TMEM132C: variants seen among roughly 807,000 people sequenced by gnomAD.
The protein encoded by TMEM132C is protein phosphatase 1, regulatory subunit 152.
In TMEM132C, 29 loss-of-function variants were observed where a neutral mutation model predicts 61.4. The observed-to-expected ratio is 0.47, with a 90% confidence interval of 0.35 to 0.64. The LOEUF (loss-of-function observed/expected upper bound fraction) is 0.64. TMEM132C is among the 30% of genes least tolerant of loss of function. The probability of loss-of-function intolerance (pLI) is 0.00; values close to 1 mark genes in which losing one functional copy is unlikely to be tolerated. For missense variants in TMEM132C, 1,408 were observed against 1,476.9 expected (o/e 0.95, Z 0.76); for synonymous variants, 656 against 633.1 (o/e 1.04, Z -0.54).
chr12:128,549,863 A>AT (rs1874101454), intron 3 of TMEM132C, among the ~76,000 whole-genome samples: 1 of 152,034 alleles, frequency 6.6e-6, no homozygotes, highest in African/African-American at 2.4e-5. Flanking sequence ...CATGGGGGGA[A>AT]CCGAGACATG....
intron 2 of TMEM132C, among the ~76,000 whole-genome samples, chr12:128,518,487 C>T (rs1458180): frequency 0.9 from 137,204 of 152,240 alleles, 63,437 homozygotes; most frequent in East Asian, 1. Context: ...AGAAGGTACC[C>T]GGACAACAGA....
intron 3 of TMEM132C, among the ~76,000 whole-genome samples, chr12:128,604,440 GATAGATA>G (rs1876331689): frequency 6.7e-6 from 1 of 149,252 alleles, no homozygotes; most frequent in Non-Finnish European, 1.5e-5. Context: ...TAGATAGATA[GATAGATA>G]GATAATAGAT....
chr12:128,620,796 T>G (rs1293349648), intron 4 of TMEM132C, among the ~76,000 whole-genome samples: 1 of 149,526 alleles, frequency 6.7e-6, no homozygotes, highest in Admixed American at 6.7e-5. Context: ...GTAACTTGGG[T>G]TTTTTTTTTC....
intron 2 of TMEM132C, among the ~76,000 whole-genome samples, chr12:128,483,232 C>A (rs1255148543): frequency 1.3e-5 from 1 of 79,036 alleles, no homozygotes; most frequent in Admixed American, 1.5e-4. Flanking sequence ...TATGCCACTG[C>A]ACTCCAGCCT....
At chr12:128,672,568 AT>A (rs1243943623) in intron 5 of TMEM132C, among the ~76,000 whole-genome samples, 1 of 152,216 alleles carries the variant, frequency 6.6e-6, no homozygotes, top group African/African-American at 2.4e-5. Flanking sequence ...CCTGAAATGA[AT>A]CCAGAGTTGA....
At chr12:128,509,470 C>T (rs1383433119) in intron 2 of TMEM132C, among the ~76,000 whole-genome samples, 1 of 152,114 alleles carries the variant, frequency 6.6e-6, no homozygotes, top group East Asian at 1.9e-4. Flanking sequence ...AGTAAATCTG[C>T]GTTTTACACA....
intron 4 of TMEM132C, among the ~76,000 whole-genome samples, chr12:128,657,731 C>T (rs1049603805): frequency 3.3e-5 from 5 of 152,218 alleles, no homozygotes; most frequent in African/African-American, 1.2e-4. Flanking sequence ...AAACAACTCA[C>T]AACTCTGTTA....
At chr12:128,429,801 A>T (rs1371264908) in intron 2 of TMEM132C, among the ~76,000 whole-genome samples, 3 of 152,128 alleles carry the variant, frequency 2.0e-5, no homozygotes, top group Non-Finnish European at 4.4e-5. Flanking sequence ...CTTCATTATG[A>T]TGCATTTCAT....
intron 1 of TMEM132C, among the ~76,000 whole-genome samples, chr12:128,410,946 C>A (rs1868514256): frequency 6.6e-6 from 1 of 152,270 alleles, no homozygotes; most frequent in East Asian, 1.9e-4. Flanking sequence ...TTTCAACTTT[C>A]TTCTTAATTC....
chr12:128,498,192 C>G (rs1054043365), intron 2 of TMEM132C, among the ~76,000 whole-genome samples: 3 of 152,150 alleles, frequency 2.0e-5, no homozygotes, highest in Non-Finnish European at 2.9e-5. Context: ...GCCCACTACT[C>G]TCCACAAGAT....
At chr12:128,334,284 T>C (rs1872738262) in intron 1 of TMEM132C, among the ~76,000 whole-genome samples, 1 of 152,160 alleles carries the variant, frequency 6.6e-6, no homozygotes, top group Admixed American at 6.5e-5. Flanking sequence ...GCCCAGCCCA[T>C]CTCCACAGAC....
intron 3 of TMEM132C, among the ~76,000 whole-genome samples, chr12:128,557,028 C>A (rs536136102): frequency 1.6e-4 from 25 of 152,300 alleles, no homozygotes; most frequent in Admixed American, 5.2e-4. Context: ...CTGAGTTCAA[C>A]TACTTGCCAA....
At chr12:128,705,024 T>C (rs1954826250) in intron 8 of TMEM132C, 66 bp from the exon 9 acceptor site, 3 of 1,454,072 alleles carry the variant, frequency 2.1e-6, no homozygotes, top group Non-Finnish European at 9.1e-7. Flanking sequence ...GGCGTCCTCC[T>C]AGGAGGGGGT....
chr12:128,332,258 G>A (rs942105678), intron 1 of TMEM132C, among the ~76,000 whole-genome samples: 1 of 152,234 alleles, frequency 6.6e-6, no homozygotes, highest in African/African-American at 2.4e-5. Context: ...CTTCTGGGAA[G>A]ATGGAGAAAG....
At chr12:128,483,910 G>A (rs944430901) in intron 2 of TMEM132C, among the ~76,000 whole-genome samples, 6 of 152,040 alleles carry the variant, frequency 3.9e-5, no homozygotes, top group Admixed American at 3.3e-4. Context: ...AAAGCTCATC[G>A]CTTCCCAGTG....
intron 1 of TMEM132C, among the ~76,000 whole-genome samples, chr12:128,281,111 A>G (rs1289208247): frequency 6.6e-6 from 1 of 152,242 alleles, no homozygotes; most frequent in African/African-American, 2.4e-5. Flanking sequence ...ATTAGTATCT[A>G]TGAACAGGAG....
chr12:128,554,481 A>G (rs1309046038), intron 3 of TMEM132C, among the ~76,000 whole-genome samples: 3 of 152,246 alleles, frequency 2.0e-5, no homozygotes, highest in Admixed American at 1.3e-4. Flanking sequence ...TTGGATGTTT[A>G]AAATCCCTGT....
intron 1 of TMEM132C, among the ~76,000 whole-genome samples, chr12:128,310,575 A>C (rs543306296): frequency 1.3e-5 from 2 of 152,246 alleles, no homozygotes; most frequent in African/African-American, 4.8e-5. Flanking sequence ...ACCACCTTCC[A>C]TGAACTCAGA....
At position 128,320,040 on chromosome 12, in the gene TMEM132C, A is replaced by T. The variant is rs1872280379; in HGVS notation, c.85+52553A>T. On this transcript the variant is annotated intron_variant, in intron 1 of 8. Transcript: ENST00000435159. ...TATTGAAAAAGAAAGAAAGAAAAAA[A>T]ACCTGTTGAATCAGCCCTATAGTCC... 2.0e-5 allele frequency among the ~76,000 whole-genome samples: 3 copies of T among 152,164 alleles called. No individual in the cohort carries two copies. In the South Asian group the frequency reaches 6.2e-4, roughly 32 times the overall value.
Sources: gnomAD v4.1 joint callset for allele counts (sites outside exome capture counted in the v4.1 genomes callset) on GRCh38, gnomAD v4.1.1 for gene constraint, MANE v1.5 for transcripts, NCBI Gene and HGNC (gene_info 2026-07-23, HGNC 2026-07-21) for gene names.